Variants in FBXW10B observed in about 807,000 individuals in gnomAD.
FBXW10B encodes F-box and WD repeat domain containing 10B.
At chr17:15,618,402 TGTTTTAACAGGTCCTGCTGGA>T in the FBXW10B span, among the ~76,000 whole-genome samples, 1 of 151,958 alleles carries the variant, frequency 6.6e-6, no homozygotes, top group Non-Finnish European at 1.5e-5. Context: ...GGGAGGAGCT[TGTTTTAACAGGTCCTGCTGGA>T]GATCCTGATA....
chr17:15,619,399 G>C, the FBXW10B span: 1 of 1,613,886 alleles, frequency 6.2e-7, no homozygotes, highest in Non-Finnish European at 8.5e-7. Context: ...TGGTAGAGAA[G>C]ATCTTCCAGG....
At chr17:15,616,663 G>A in the FBXW10B span, among the ~76,000 whole-genome samples, 1 of 151,740 alleles carries the variant, frequency 6.6e-6, no homozygotes, top group Non-Finnish European at 1.5e-5. Context: ...AAAATTAGCC[G>A]GGCGTGGTGG....
At chr17:15,593,747 G>A in the FBXW10B span, among the ~76,000 whole-genome samples, 1 of 151,528 alleles carries the variant, frequency 6.6e-6, no homozygotes, top group African/African-American at 2.4e-5. Context: ...TCCTGTCTCA[G>A]TCTTCCAAGT....
chr17:15,603,531 TA>T, the FBXW10B span, among the ~76,000 whole-genome samples: 38 of 152,146 alleles, frequency 2.5e-4, no homozygotes, highest in Non-Finnish European at 4.3e-4. Flanking sequence ...GGGTTTTATT[TA>T]ATACCCATCA....
At chr17:15,619,421 G>C in the FBXW10B span, 1 of 1,613,908 alleles carries the variant, frequency 6.2e-7, no homozygotes, top group Non-Finnish European at 8.5e-7. Context: ...TAAGACACGC[G>C]TCTCACACTT....
At chr17:15,615,321 CTTTT>C in the FBXW10B span, among the ~76,000 whole-genome samples, 3 of 88,712 alleles carry the variant, frequency 3.4e-5, no homozygotes, top group Admixed American at 2.8e-4. Flanking sequence ...TATTGGCTTT[CTTTT>C]TTTTTTTTTT....
chr17:15,615,889 T>C, the FBXW10B span: 13 of 1,590,720 alleles, frequency 8.2e-6, no homozygotes, highest in Admixed American at 3.6e-5. Context: ...AACTTTTTCA[T>C]TTTTTCTTCC....
the FBXW10B span, among the ~76,000 whole-genome samples, chr17:15,579,208 G>C: frequency 6.6e-6 from 1 of 151,850 alleles, no homozygotes. Flanking sequence ...CAATCTCCAC[G>C]TTCTGAATGT....
At chr17:15,590,277 T>G in the FBXW10B span, among the ~76,000 whole-genome samples, 3 of 151,656 alleles carry the variant, frequency 2.0e-5, no homozygotes, top group Non-Finnish European at 4.4e-5. Flanking sequence ...GGGATCTGTA[T>G]GCTGTTGTTA....
the FBXW10B span, chr17:15,613,485 A>G: frequency 1.4e-6 from 1 of 724,094 alleles, no homozygotes; most frequent in Non-Finnish European, 2.2e-6. Context: ...GGACCCAGGA[A>G]GCCTAAAAGG....
the FBXW10B span, among the ~76,000 whole-genome samples, chr17:15,610,216 G>T: frequency 6.6e-6 from 1 of 152,124 alleles, no homozygotes; most frequent in Non-Finnish European, 1.5e-5. Flanking sequence ...AAAGGCGAAG[G>T]GTGGCTTGAC....
At chr17:15,594,755 G>A in the FBXW10B span, 5 of 1,613,834 alleles carry the variant, frequency 3.1e-6, no homozygotes, top group Non-Finnish European at 4.2e-6. Context: ...TACTTGGGAT[G>A]CTTGAAGGCC....
At chr17:15,566,230 G>T in the FBXW10B span, 1 of 1,612,016 alleles carries the variant, frequency 6.2e-7, no homozygotes, top group Non-Finnish European at 8.5e-7. Flanking sequence ...GTGCTGCAGG[G>T]CGCTAACAGT....
chr17:15,571,975 G>C, the FBXW10B span: 1 of 151,510 alleles, frequency 6.6e-6, no homozygotes, highest in African/African-American at 2.4e-5. Context: ...GGTGGGGGGA[G>C]GGGTGCGGGG....
At chr17:15,568,366 A>G in the FBXW10B span, among the ~76,000 whole-genome samples, 2 of 151,858 alleles carry the variant, frequency 1.3e-5, no homozygotes, top group African/African-American at 4.8e-5. Flanking sequence ...GTAATGTGCT[A>G]AATACTACAA....
At chr17:15,606,132 T>C in the FBXW10B span, among the ~76,000 whole-genome samples, 2 of 141,410 alleles carry the variant, frequency 1.4e-5, no homozygotes, top group South Asian at 2.4e-4. Flanking sequence ...GGCACAATAA[T>C]AACTCCCTGT....
At chr17:15,565,485 G>A in the FBXW10B span, 61 of 1,546,550 alleles carry the variant, frequency 3.9e-5, no homozygotes, top group South Asian at 3.7e-4. Flanking sequence ...AGCAACATCC[G>A]CTTGGCTTTC....
At chr17:15,593,356 A>G in the FBXW10B span, 1 of 1,614,136 alleles carries the variant, frequency 6.2e-7, no homozygotes, top group South Asian at 1.1e-5. Flanking sequence ...TGAATAAAGA[A>G]GGACAGCACA....
chr17:15,602,236 A>G, the FBXW10B span, among the ~76,000 whole-genome samples: 3 of 152,168 alleles, frequency 2.0e-5, no homozygotes, highest in Admixed American at 6.6e-5. Flanking sequence ...TTGATTAAAA[A>G]CAGAAAGACA....
Sources: allele counts gnomAD v4.1 joint callset (sites outside exome capture counted in the v4.1 genomes callset), GRCh38; gene constraint gnomAD v4.1.1; transcripts MANE v1.5; gene names NCBI Gene and HGNC (gene_info 2026-07-23, HGNC 2026-07-21).